The following KCNIP4 variants were observed in gnomAD, a reference collection of about 807,000 sequenced individuals.
KCNIP4 encodes potassium voltage-gated channel interacting protein 4, also known as Kv channel-interacting protein 4.
In KCNIP4, 12 loss-of-function variants were observed where a neutral mutation model predicts 34.0. The ratio of observed to expected loss-of-function variants is 0.35; its 90% CI spans 0.23 to 0.57. The LOEUF (loss-of-function observed/expected upper bound fraction) is 0.57, where lower values mean the gene tolerates loss of function less well. KCNIP4 is among the 20% of genes least tolerant of loss of function. The probability of loss-of-function intolerance (pLI) is 0.83; values close to 1 mark genes in which losing one functional copy is unlikely to be tolerated. For missense variants in KCNIP4, 238 were observed against 311.7 expected, an observed-to-expected ratio of 0.76 and a Z score of 1.78; for synonymous variants, 124 against 102.2, an observed-to-expected ratio of 1.21 and a Z score of -1.29.
chr4:21,662,377 G>A lies in KCNIP4; in HGVS notation c.61+286194C>T, dbSNP rs527968347. ...ACAATCTGAATGCAGTGATTTCTCC[G>A]TACCAATACATATCACAGAATAAAA... On this transcript the variant is annotated intron_variant, in intron 1 of 8. Coordinates refer to ENST00000382152, the MANE Select transcript of KCNIP4 (RefSeq NM_025221.6). Among the ~76,000 whole-genome samples, 635 of 152,176 alleles carry A rather than the reference G, an allele frequency of 4.2e-3. 5 individuals carry two copies. The highest frequency in any genetic ancestry group is 5.8e-3 in the Non-Finnish European group (395 of 68,010).
At chr4:21,153,513 GTGTA>G (rs1560769091) in intron 1 of KCNIP4, among the ~76,000 whole-genome samples, 1 of 61,490 alleles carries the variant, frequency 1.6e-5, no homozygotes, top group Non-Finnish European at 3.3e-5. Context: ...ATATGTGTGT[GTGTA>G]TATATATATA....
intron 2 of KCNIP4, among the ~76,000 whole-genome samples, chr4:20,878,475 T>C (rs540371737): frequency 1.3e-5 from 2 of 152,290 alleles, no homozygotes; most frequent in African/African-American, 2.4e-5. Flanking sequence ...ATATATTCCC[T>C]TTCCATCATA....
At chr4:21,253,724 CCA>C (rs751043544) in intron 1 of KCNIP4, among the ~76,000 whole-genome samples, 62 of 152,286 alleles carry the variant, frequency 4.1e-4, no homozygotes, top group Middle Eastern at 3.4e-3. Flanking sequence ...GCTGCTTCTG[CCA>C]CACAGAGATG....
At chr4:21,347,829 T>C (rs1490013520) in intron 1 of KCNIP4, among the ~76,000 whole-genome samples, 1 of 151,962 alleles carries the variant, frequency 6.6e-6, no homozygotes, top group Non-Finnish European at 1.5e-5. Flanking sequence ...CTCAGGGAGA[T>C]AAGAAATAAT....
At chr4:21,699,924 A>G (rs28455666) in intron 1 of KCNIP4, among the ~76,000 whole-genome samples, 6,938 of 152,200 alleles carry the variant, frequency 0.046, 502 homozygotes, top group African/African-American at 0.16. Context: ...CAGGTGAGAA[A>G]CAATGGTGGC....
intron 1 of KCNIP4, among the ~76,000 whole-genome samples, chr4:21,100,993 G>C (rs910878303): frequency 4.6e-5 from 7 of 151,956 alleles, no homozygotes; most frequent in African/African-American, 1.2e-4. Flanking sequence ...CTATTGAGGG[G>C]GTACAAGATT....
intron 1 of KCNIP4, among the ~76,000 whole-genome samples, chr4:21,369,936 T>G (rs1720167081): frequency 6.9e-6 from 1 of 145,720 alleles, no homozygotes; most frequent in Non-Finnish European, 1.5e-5. Flanking sequence ...CACACCATTC[T>G]CCTGCCTCAG....
rs139402447 is a variant in KCNIP4, at chr4:21,866,408, C to A, written c.61+82163G>T. On this transcript the variant is annotated intron_variant, in intron 1 of 8. Transcript: ENST00000382152. ...CATAAATAAACCTGTTGTCTTTTGC[C>A]ATAATATCTGTAGGGAGTTGCTGCT... Among the ~76,000 whole-genome samples the A allele has an allele frequency of 6.6e-3, 998 of 152,262 alleles. 8 individuals carry two copies. The highest frequency in any genetic ancestry group is 0.021 in the African/African-American group (891 of 41,542).
chr4:21,544,193 A>T (rs1037010106), intron 1 of KCNIP4, among the ~76,000 whole-genome samples: 2 of 152,032 alleles, frequency 1.3e-5, no homozygotes, highest in African/African-American at 4.8e-5. Flanking sequence ...ATAGCATTGA[A>T]AAATAGAGTA....
chr4:21,911,693 C>G (rs943977651), intron 1 of KCNIP4, among the ~76,000 whole-genome samples: 1 of 151,072 alleles, frequency 6.6e-6, no homozygotes, highest in Non-Finnish European at 1.5e-5. Context: ...TAGACCCCTG[C>G]CCAGTATCAT....
intron 1 of KCNIP4, among the ~76,000 whole-genome samples, chr4:21,109,250 C>G (rs531485472): frequency 5.3e-5 from 8 of 152,162 alleles, no homozygotes; most frequent in Non-Finnish European, 8.8e-5. Flanking sequence ...GTGGTGGGCT[C>G]CACCCAGTTC....
chr4:20,897,223 C>T (rs758176210), intron 1 of KCNIP4, among the ~76,000 whole-genome samples: 3 of 152,020 alleles, frequency 2.0e-5, no homozygotes, highest in Non-Finnish European at 4.4e-5. Context: ...TGTGGACAAC[C>T]CACCCCCTCC....
chr4:21,908,551 G>A (rs567600283), intron 1 of KCNIP4, among the ~76,000 whole-genome samples: 4 of 152,246 alleles, frequency 2.6e-5, no homozygotes, highest in Admixed American at 6.5e-5. Context: ...GTGGAAAACC[G>A]TTACTTTTCA....
intron 1 of KCNIP4, among the ~76,000 whole-genome samples, chr4:21,729,155 A>AATGAAATTAAATT (rs1715409890): frequency 1.3e-5 from 2 of 152,164 alleles, no homozygotes; most frequent in African/African-American, 4.8e-5. Context: ...TTCCCTACCC[A>AATGAAATTAAATT]TACTGAATAC....
At chr4:21,334,503 A>G (rs1028794942) in intron 1 of KCNIP4, among the ~76,000 whole-genome samples, 2 of 152,024 alleles carry the variant, frequency 1.3e-5, no homozygotes, top group African/African-American at 4.8e-5. Context: ...CATTTTTTAA[A>G]ATAGCTTTTT....
At chr4:21,364,524 T>C (rs188145875) in intron 1 of KCNIP4, among the ~76,000 whole-genome samples, 8 of 152,242 alleles carry the variant, frequency 5.3e-5, no homozygotes, top group Admixed American at 5.2e-4. Flanking sequence ...AAAGAACATG[T>C]AATCCACCGG....
intron 1 of KCNIP4, among the ~76,000 whole-genome samples, chr4:21,220,157 G>T (rs1560184939): frequency 6.6e-6 from 1 of 152,024 alleles, no homozygotes. Flanking sequence ...GTCGTACCAG[G>T]TTCTCCCTTT....
At chr4:21,474,017 G>A (rs1730698849) in intron 1 of KCNIP4, among the ~76,000 whole-genome samples, 1 of 151,990 alleles carries the variant, frequency 6.6e-6, no homozygotes, top group South Asian at 2.1e-4. Flanking sequence ...CCCGGCCCAG[G>A]CAACTTAACA....
intron 1 of KCNIP4, among the ~76,000 whole-genome samples, chr4:20,980,247 C>A (rs553042304): frequency 6.6e-6 from 1 of 152,264 alleles, no homozygotes; most frequent in African/African-American, 2.4e-5. Context: ...ACTTTCCCAC[C>A]CTCTCAGTCA....
Sources: gnomAD v4.1 joint callset for allele counts (sites outside exome capture counted in the v4.1 genomes callset) on GRCh38, gnomAD v4.1.1 for gene constraint, MANE v1.5 for transcripts, NCBI Gene and HGNC (gene_info 2026-07-23, HGNC 2026-07-21) for gene names.